Variants in DUSP10 observed in about 807,000 individuals in gnomAD.
The protein encoded by DUSP10 is dual specificity phosphatase 10, also known as dual specificity protein phosphatase 10.
DUSP10 carries 14 observed loss-of-function variants against 30.8 expected under a neutral mutation model. That is an observed-to-expected ratio of 0.46 (90% CI 0.30 to 0.71). DUSP10 has a LOEUF of 0.71. Among genes scored for constraint, DUSP10 ranks in the 30% least tolerant of loss-of-function variants. The pLI is 0.08. For missense variants in DUSP10, 550 were observed against 619.4 expected (o/e 0.89, Z 1.19); for synonymous variants, 254 against 250.4 (o/e 1.01, Z -0.14).
chr1:221,713,432 G>A (rs916846461), intron 2 of DUSP10, among the ~76,000 whole-genome samples: 15 of 151,814 alleles, frequency 9.9e-5, no homozygotes, highest in Admixed American at 3.3e-4. Context: ...TAGGCATATC[G>A]AATAGCCAAA....
At chr1:221,737,420 G>A (rs754582890) in intron 2 of DUSP10, 1 of 985,298 alleles carries the variant, frequency 1.0e-6, no homozygotes, top group Non-Finnish European at 1.2e-6. Flanking sequence ...GACAATAGCA[G>A]GGTAAATATC....
intron 2 of DUSP10, chr1:221,736,803 T>C: frequency 1.0e-6 from 1 of 985,220 alleles, no homozygotes; most frequent in African/African-American, 1.7e-5. Flanking sequence ...AATTCCCAGA[T>C]ATTTGAAGAA....
At chr1:221,716,044 C>T (rs1175175328) in intron 2 of DUSP10, among the ~76,000 whole-genome samples, 1 of 151,184 alleles carries the variant, frequency 6.6e-6, no homozygotes, top group Non-Finnish European at 1.5e-5. Context: ...TGCCATCTCC[C>T]CTCTTCTACC....
chr1:221,738,889 C>G, intron 2 of DUSP10, 45 bp downstream of exon 2: 1 of 1,537,328 alleles, frequency 6.5e-7, no homozygotes, highest in South Asian at 1.3e-5. Context: ...CCAAAGTGAA[C>G]CCGGCTAATC....
At position 221,702,719 on chromosome 1, in the gene DUSP10, A is replaced by G; in HGVS notation, c.1184-42T>C. The G allele has an allele frequency of 1.9e-6, 3 of 1,602,682 alleles. No homozygotes were observed. The highest frequency in any genetic ancestry group is 2.6e-6 in the Non-Finnish European group (3 of 1,171,728). On this transcript the variant is annotated intron_variant, in intron 3 of 3. Coordinates refer to ENST00000366899, the MANE Select transcript of DUSP10 (RefSeq NM_007207.6). This position sits in a 1 kb window ranked among gnomAD's most constrained non-coding sequence, Gnocchi z 4.5. ...AGACAAGAGATGAAGGGAAGATGGAAGAGAGAGGCACGGAGAGAGAAACTT... is the reference window on the plus strand; with the variant it reads ...AGACAAGAGATGAAGGGAAGATGGAGGAGAGAGGCACGGAGAGAGAAACTT...
Position 221,718,129 on chromosome 1 carries a change from C to T in DUSP10, c.812-11663G>A, listed in dbSNP as rs1482818712. Among the ~76,000 whole-genome samples the T allele has an allele frequency of 1.1e-4, 4 of 35,090 alleles. No homozygotes were observed. In the East Asian group the frequency reaches 2.4e-3, roughly 21 times the overall value. 23.0% of individuals were successfully genotyped at this position (35,090 alleles called of 152,430 possible). Reference sequence around the variant, plus strand: ...GTGGTGGGGGTGGGGGCGGGGGCTGCAGGGGGTGGGGGTGTGCTGAAAGGA... The same window carrying T: ...GTGGTGGGGGTGGGGGCGGGGGCTGTAGGGGGTGGGGGTGTGCTGAAAGGA... On this transcript the variant is annotated intron_variant, in intron 2 of 3. Coordinates refer to ENST00000366899, the MANE Select transcript of DUSP10 (RefSeq NM_007207.6).
chr1:221,725,055 A>T (rs567495999), intron 2 of DUSP10, among the ~76,000 whole-genome samples: 1 of 152,284 alleles, frequency 6.6e-6, no homozygotes, highest in East Asian at 1.9e-4. Flanking sequence ...CTTAAGGAGT[A>T]GGGGGAAGAA....
chr1:221,735,683 T>C (rs1349559573), intron 2 of DUSP10, among the ~76,000 whole-genome samples: 1 of 152,234 alleles, frequency 6.6e-6, no homozygotes, highest in East Asian at 1.9e-4. Context: ...AATAACATTT[T>C]TGAAGGCATA....
At chr1:221,737,437 ATCAC>A (rs1661811187) in intron 2 of DUSP10, 1 of 985,214 alleles carries the variant, frequency 1.0e-6, no homozygotes, top group Non-Finnish European at 1.2e-6. Context: ...TATCCTGGGA[ATCAC>A]TCAAAGTCAA....
At chr1:221,732,332 G>A (rs1435887847) in intron 2 of DUSP10, among the ~76,000 whole-genome samples, 1 of 152,194 alleles carries the variant, frequency 6.6e-6, no homozygotes, top group Non-Finnish European at 1.5e-5. Flanking sequence ...TAGGTTAACA[G>A]CTTAAACCAC....
intron 2 of DUSP10, among the ~76,000 whole-genome samples, chr1:221,735,833 A>G (rs1298989839): frequency 6.6e-6 from 1 of 152,236 alleles, no homozygotes; most frequent in Non-Finnish European, 1.5e-5. Context: ...CTCGTTATGG[A>G]TGGTCTAGAA....
chr1:221,730,812 ATATATC>A (rs1661569192), intron 2 of DUSP10, among the ~76,000 whole-genome samples: 1 of 151,964 alleles, frequency 6.6e-6, no homozygotes, highest in Non-Finnish European at 1.5e-5. Flanking sequence ...AAAAAATTAC[ATATATC>A]TATAACTCTC....
At chr1:221,711,381 T>A (rs1365787011) in intron 2 of DUSP10, among the ~76,000 whole-genome samples, 1 of 152,194 alleles carries the variant, frequency 6.6e-6, no homozygotes, top group Non-Finnish European at 1.5e-5. Context: ...GTGAGCTGTT[T>A]CCAGAAATTT....
intron 2 of DUSP10, among the ~76,000 whole-genome samples, chr1:221,709,827 C>T (rs1660881677): frequency 6.6e-6 from 1 of 152,104 alleles, no homozygotes. Flanking sequence ...TTCCTCCGAC[C>T]CTACCCCATC....
chr1:221,741,734 A>G (rs1378599686), intron 1 of DUSP10, among the ~76,000 whole-genome samples: 1 of 151,988 alleles, frequency 6.6e-6, no homozygotes, highest in African/African-American at 2.4e-5. Context: ...CTTCGCCCCA[A>G]ATCCAAGTAG....
chr1:221,730,679 A>C (rs72736548), intron 2 of DUSP10, among the ~76,000 whole-genome samples: 10 of 152,350 alleles, frequency 6.6e-5, no homozygotes, highest in Non-Finnish European at 1.5e-4. Context: ...CCTTTATCTT[A>C]TATGAAAGTA....
At chr1:221,715,927 C>A (rs937455669) in intron 2 of DUSP10, among the ~76,000 whole-genome samples, 2 of 151,664 alleles carry the variant, frequency 1.3e-5, no homozygotes, top group Admixed American at 1.3e-4. Context: ...CCCTTTGCCC[C>A]CTTCTCCACT....
intron 2 of DUSP10, among the ~76,000 whole-genome samples, chr1:221,714,110 A>G (rs11118833): frequency 3.0e-3 from 456 of 152,312 alleles, no homozygotes; most frequent in African/African-American, 0.01. Flanking sequence ...CTGAATTTTG[A>G]GTTAACAATA....
At position 221,739,323 on chromosome 1, in the gene DUSP10, G is replaced by T; in HGVS notation, c.422C>A (p.Pro141His). Reference protein sequence around the residue: ...SGVGSPVSGTPKQLASIKIIY... With the variant: ...SGVGSPVSGTHKQLASIKIIY... ...TATTTTGATGCTGGCTAGCTGCTTGGGGGTCCCTGACACAGGGCTGCCCAC... is the reference window on the plus strand; with the variant it reads ...TATTTTGATGCTGGCTAGCTGCTTGTGGGTCCCTGACACAGGGCTGCCCAC... The change falls in exon 2 of 4, where the codon CCC (proline) becomes CAC (histidine). Residue 141 changes from proline to histidine, a missense_variant. Physicochemically the swap from Pro to His is moderately conservative, Grantham distance 77 (BLOSUM62 -2). Transcript: ENST00000366899. 1 of 1,614,080 alleles carries T rather than the reference G, an allele frequency of 6.2e-7. No individual in the cohort carries two copies. The highest frequency in any genetic ancestry group is 8.5e-7 in the Non-Finnish European group (1 of 1,179,992).
Sources: allele counts gnomAD v4.1 joint callset (sites outside exome capture counted in the v4.1 genomes callset), GRCh38; gene constraint gnomAD v4.1.1; non-coding constraint Gnocchi (gnomAD v3.1); transcripts MANE v1.5; gene names NCBI Gene and HGNC (gene_info 2026-07-23, HGNC 2026-07-21).